Variants in PLCL2 observed in about 807,000 individuals in gnomAD.
PLCL2 encodes phospholipase C like 2, also known as inactive phospholipase C-like protein 2.
A neutral mutation model predicts 79.6 loss-of-function variants in PLCL2; 4 were observed. The observed-to-expected ratio is 0.05, with a 90% CI of 0.02 to 0.11. The LOEUF (loss-of-function observed/expected upper bound fraction) is 0.11. Among genes scored for constraint, PLCL2 ranks in the 10% least tolerant of loss-of-function variants. The pLI is 1.00. For synonymous variants in PLCL2, 484 were observed against 457.7 expected (o/e 1.06, Z -0.73); for missense variants, 895 against 1,291.0 (o/e 0.69, Z 4.70).
intron 1 of PLCL2, among the ~76,000 whole-genome samples, chr3:16,992,503 T>C (rs78872846): frequency 1.0e-3 from 155 of 152,026 alleles, no homozygotes; most frequent in Non-Finnish European, 1.9e-3. Context: ...GGCATTGTGG[T>C]GAGATAGGTG....
chr3:17,018,675 T>C (rs1350908821), intron 3 of PLCL2, among the ~76,000 whole-genome samples: 7 of 152,142 alleles, frequency 4.6e-5, no homozygotes, highest in South Asian at 2.1e-4. Context: ...GGTCAAACTT[T>C]TGAACCAAAT....
intron 3 of PLCL2, among the ~76,000 whole-genome samples, chr3:17,030,118 G>T (rs1302364275): frequency 6.6e-6 from 1 of 151,986 alleles, no homozygotes; most frequent in African/African-American, 2.4e-5. Flanking sequence ...TAAGAAATGG[G>T]GTCTCGCTAT....
In PLCL2 at chr3:17,010,344, A is replaced by C. The variant is rs759720431; in HGVS notation, c.998A>C (p.Glu333Ala). ...GAGGTCACAAAGGAAGAATTTATTG[A>C]GGTTTTTCATGAGCTTTGTACTAGA... ...GTEVTKEEFI[E>A]VFHELCTRPE... Residue 333 changes from glutamate (E) to alanine (A), a missense_variant, in exon 2 of 6, where the codon GAG (glutamate) becomes GCG (alanine). Glu to Ala is a moderately radical substitution (Grantham distance 107, BLOSUM62 -1). This residue lies in a region of PLCL2 where 93 missense variants were observed against 93.2 expected (regional missense o/e 1.00). Coordinates refer to ENST00000615277, the MANE Select transcript of PLCL2 (RefSeq NM_001144382.2). This position sits in a 1 kb window ranked among gnomAD's most constrained non-coding sequence, Gnocchi z 5.8. 1.3e-5 allele frequency: 21 copies of C among 1,613,934 alleles called. No homozygotes were observed. Among genetic ancestry groups the C allele is most frequent in the Non-Finnish European group, 1.7e-5 (20 of 1,179,996 alleles).
Position 17,046,417 on chromosome 3 carries a change from T to C in PLCL2, c.3094+3468T>C, listed in dbSNP as rs377315331. 9.2e-5 allele frequency among the ~76,000 whole-genome samples: 14 copies of C among 152,320 alleles called. No homozygotes were observed. In the South Asian group the frequency reaches 1.5e-3, roughly 16 times the overall value. ...CATTTTTGGATTATAATTTCCTTTC[T>C]AGTCACTGAATTGGTATGCTTAATA... On this transcript the variant is annotated intron_variant, in intron 4 of 5. Coordinates refer to ENST00000615277, the MANE Select transcript of PLCL2 (RefSeq NM_001144382.2).
intron 1 of PLCL2, among the ~76,000 whole-genome samples, chr3:16,963,467 G>T (rs1004320250): frequency 7.2e-5 from 11 of 152,068 alleles, no homozygotes; most frequent in African/African-American, 2.7e-4. Context: ...TTCATGAATA[G>T]ATATTATAAA....
rs772469117 is a variant in PLCL2, at chr3:17,010,645, T to A, written c.1299T>A (p.Ser433=). 5 of 1,613,976 alleles carry A rather than the reference T, an allele frequency of 3.1e-6. No homozygotes were observed. The South Asian group carries it at 4.4e-5, about 14-fold the overall frequency. ...KVCQDMKQPL[S]HYFINSSHNT... ...GTCAGGATATGAAGCAACCTCTGTC[T>A]CATTACTTTATAAACTCATCTCATA... The change falls in exon 2 of 6, where the codon TCT becomes TCA. Residue 433 remains serine, a synonymous_variant. Coordinates refer to ENST00000615277, the MANE Select transcript of PLCL2 (RefSeq NM_001144382.2). This position sits in a 1 kb window ranked among gnomAD's most constrained non-coding sequence, Gnocchi z 5.8.
intron 3 of PLCL2, among the ~76,000 whole-genome samples, chr3:17,035,539 C>T (rs2064639050): frequency 6.6e-6 from 1 of 152,140 alleles, no homozygotes; most frequent in African/African-American, 2.4e-5. Context: ...CCTCTCATGT[C>T]TCTCATATAG....
intron 3 of PLCL2, among the ~76,000 whole-genome samples, chr3:17,042,346 A>G (rs1412283700): frequency 6.6e-6 from 1 of 152,242 alleles, no homozygotes; most frequent in African/African-American, 2.4e-5. Flanking sequence ...TAATAGGAAC[A>G]TAAAAATACT....
rs536402181 is a variant in PLCL2, at chr3:16,910,081, G to A, written c.327+24715G>A. On this transcript the variant is annotated intron_variant, in intron 1 of 5. Coordinates refer to ENST00000615277, the MANE Select transcript of PLCL2 (RefSeq NM_001144382.2). ...ATAAGCAGCTCTCCCCACCTCTCCTGTAGCACCAGTTTTCACTCTCTACTG... is the reference window on the plus strand; with the variant it reads ...ATAAGCAGCTCTCCCCACCTCTCCTATAGCACCAGTTTTCACTCTCTACTG... Among the ~76,000 whole-genome samples the A allele has an allele frequency of 3.3e-5, 5 of 152,202 alleles. No homozygotes were observed. In the South Asian group the frequency reaches 8.3e-4, roughly 25 times the overall value.
intron 1 of PLCL2, among the ~76,000 whole-genome samples, chr3:16,994,753 C>T (rs2064136575): frequency 6.6e-6 from 1 of 152,162 alleles, no homozygotes; most frequent in African/African-American, 2.4e-5. Flanking sequence ...TGATATTTAG[C>T]TTCTGACATC....
intron 1 of PLCL2, among the ~76,000 whole-genome samples, chr3:16,975,943 G>A (rs1052046400): frequency 1.3e-5 from 2 of 152,114 alleles, no homozygotes; most frequent in African/African-American, 4.8e-5. Context: ...GTGGTACTCT[G>A]TATTAGGTTG....
intron 5 of PLCL2, among the ~76,000 whole-genome samples, chr3:17,076,701 C>T (rs2065111641): frequency 6.6e-6 from 1 of 151,996 alleles, no homozygotes; most frequent in Non-Finnish European, 1.5e-5. Flanking sequence ...CTAGGTTTTG[C>T]CATGTTCCCC....
At chr3:16,889,775 A>G (rs1377612166) in intron 1 of PLCL2, among the ~76,000 whole-genome samples, 1 of 152,218 alleles carries the variant, frequency 6.6e-6, no homozygotes, top group African/African-American at 2.4e-5. Flanking sequence ...TGCAGGCAGA[A>G]GTTGGACTGT....
chr3:16,918,974 A>G (rs1014374136), intron 1 of PLCL2, among the ~76,000 whole-genome samples: 1 of 152,190 alleles, frequency 6.6e-6, no homozygotes, highest in African/African-American at 2.4e-5. Flanking sequence ...GTACTTCAGG[A>G]AAACTCTGGA....
chr3:16,931,204 T>C (rs1011253646), intron 1 of PLCL2, among the ~76,000 whole-genome samples: 1 of 152,100 alleles, frequency 6.6e-6, no homozygotes, highest in Non-Finnish European at 1.5e-5. Flanking sequence ...GGTAAAATTT[T>C]ATTTGAAGGT....
chr3:16,980,729 G>C (rs576224388), intron 1 of PLCL2, among the ~76,000 whole-genome samples: 4 of 152,218 alleles, frequency 2.6e-5, no homozygotes, highest in Admixed American at 1.3e-4. Flanking sequence ...CTTCCCAGAC[G>C]GGGTGGCGGC....
intron 1 of PLCL2, among the ~76,000 whole-genome samples, chr3:16,935,563 A>G (rs1559490882): frequency 6.6e-6 from 1 of 152,122 alleles, no homozygotes; most frequent in South Asian, 2.1e-4. Context: ...GTAGGAATCT[A>G]TCTCTTTTTG....
intron 1 of PLCL2, among the ~76,000 whole-genome samples, chr3:16,919,960 C>T (rs148853293): frequency 0.011 from 1,625 of 152,256 alleles, 26 homozygotes; most frequent in Admixed American, 0.044. Flanking sequence ...CATATATATA[C>T]CACATATATG....
intron 1 of PLCL2, among the ~76,000 whole-genome samples, chr3:16,942,342 A>T (rs9862613): frequency 0.57 from 86,174 of 152,074 alleles, 24,583 homozygotes; most frequent in South Asian, 0.64. Context: ...CATTAGGCTA[A>T]GTGAATGGCT....
Sources: allele counts gnomAD v4.1 joint callset (sites outside exome capture counted in the v4.1 genomes callset), GRCh38; gene constraint gnomAD v4.1.1; regional missense constraint gnomAD v4.1.1; non-coding constraint Gnocchi (gnomAD v3.1); transcripts MANE v1.5; gene names NCBI Gene and HGNC (gene_info 2026-07-23, HGNC 2026-07-21).